Variants in EXD3 observed in about 807,000 individuals in gnomAD.
EXD3 encodes the protein exonuclease mut-7 homolog.
A neutral mutation model predicts 98.0 loss-of-function variants in EXD3; 92 were observed. The observed-to-expected ratio is 0.94, with a 90% CI of 0.79 to 1.12. The LOEUF is 1.12. EXD3 is among the 50% of genes most tolerant of loss of function. EXD3 has a pLI of 0.00. For synonymous variants in EXD3, 569 were observed against 526.0 expected (o/e 1.08, Z -1.12); for missense variants, 1,222 against 1,191.6 (o/e 1.03, Z -0.38).
chr9:137,339,002 A>G (rs1401731461), intron 17 of EXD3, among the ~76,000 whole-genome samples: 1 of 152,128 alleles, frequency 6.6e-6, no homozygotes, highest in African/African-American at 2.4e-5. Context: ...CTGCAGACAC[A>G]GCAGAGCCTT....
At chr9:137,419,972 A>G (rs1437615821) in intron 1 of EXD3, among the ~76,000 whole-genome samples, 1 of 152,102 alleles carries the variant, frequency 6.6e-6, no homozygotes, top group Non-Finnish European at 1.5e-5. Flanking sequence ...ATCCTGGCTA[A>G]TACGGTGAAA....
At chr9:137,315,402 ACGCGTGTGGGCCT>A (rs1173615602) in intron 19 of EXD3, among the ~76,000 whole-genome samples, 6 of 152,152 alleles carry the variant, frequency 3.9e-5, no homozygotes, top group African/African-American at 1.4e-4. Context: ...CGGAGAGACC[ACGCGTGTGGGCCT>A]GACCCGCTGG....
At chr9:137,383,584 C>G (rs936256442) in intron 2 of EXD3, among the ~76,000 whole-genome samples, 3 of 152,214 alleles carry the variant, frequency 2.0e-5, no homozygotes, top group African/African-American at 7.2e-5. Context: ...CCCTGTGGCC[C>G]GTGGCCGCCC....
At chr9:137,319,006 TAGC>T (rs1056075339) in intron 19 of EXD3, among the ~76,000 whole-genome samples, 29 of 152,246 alleles carry the variant, frequency 1.9e-4, no homozygotes, top group African/African-American at 5.8e-4. Flanking sequence ...GGCACCAAAA[TAGC>T]AGAAGGAAGA....
intron 1 of EXD3, among the ~76,000 whole-genome samples, chr9:137,422,330 C>CTT (rs1838568466): frequency 1.3e-5 from 2 of 152,132 alleles, no homozygotes; most frequent in African/African-American, 4.8e-5. Flanking sequence ...CCCTTTTAAA[C>CTT]TGTGGGCCCA....
Position 137,349,310 on chromosome 9 carries a change from C to A in EXD3, c.1658-28G>T, listed in dbSNP as rs765443977. On this transcript the variant is annotated intron_variant, in intron 15 of 21. Coordinates refer to ENST00000340951, the MANE Select transcript of EXD3 (RefSeq NM_017820.5). The surrounding 1 kb of genome is among the most constrained non-coding windows in gnomAD (Gnocchi z 7.4). ...GTGTGGGGAGTCGGCCTCAGCCTCCCGGGACAGAGGGCGGGAGGGGCGTGA... is the reference window on the plus strand; with the variant it reads ...GTGTGGGGAGTCGGCCTCAGCCTCCAGGGACAGAGGGCGGGAGGGGCGTGA... The A allele has an allele frequency of 2.3e-5, 36 of 1,552,472 alleles. No homozygotes were observed. The highest frequency in any genetic ancestry group is 3.0e-5 in the Non-Finnish European group (35 of 1,154,614).
chr9:137,373,021 C>A lies in EXD3; in HGVS notation c.346G>T (p.Glu116Ter). 1 of 1,604,686 alleles carries A rather than the reference C, an allele frequency of 6.2e-7. No homozygotes were observed. The highest frequency in any genetic ancestry group is 1.1e-5 in the South Asian group (1 of 90,760). Residue 116 changes from glutamate (E) to a stop codon, truncating the protein, a stop_gained, in exon 5 of 22, where the codon GAG (glutamate) becomes TAG (stop). Coordinates refer to ENST00000340951, the MANE Select transcript of EXD3 (RefSeq NM_017820.5). LOFTEE classifies it high-confidence loss of function. ...LQARAVKVLT[E>*]SPPSLAAPLA... is the part of the protein sequence containing the mutation. ...GGTGCCGCAAGGCTGGGGGGGCTCT[C>A]AGTGAGGACTTTGACCGCTCGGGCC...
intron 1 of EXD3, among the ~76,000 whole-genome samples, chr9:137,406,664 C>T (rs1291274665): frequency 6.6e-6 from 1 of 152,184 alleles, no homozygotes; most frequent in Admixed American, 6.5e-5. Context: ...ATAAAGGCAG[C>T]AGGTCCCCCA....
Position 137,405,350 on chromosome 9 carries a change from C to T in EXD3, c.-47-9946G>A, listed in dbSNP as rs973031285. Among the ~76,000 whole-genome samples the T allele has an allele frequency of 3.9e-5, 6 of 152,212 alleles. No homozygotes were observed. Among genetic ancestry groups the T allele is most frequent in the Admixed American group, 6.5e-5 (1 of 15,292 alleles). On this transcript the variant is annotated intron_variant, in intron 1 of 21. Transcript: ENST00000340951. This position sits in a 1 kb window ranked among gnomAD's most constrained non-coding sequence, Gnocchi z 4.1. ...CTTCCCCAACTGCTCCCTGGGGACC[C>T]CTGGACCACAGGACCAACGGGGGCA...
At chr9:137,354,284 C>T (rs1564505817) in intron 10 of EXD3, 55 bp downstream of exon 10, 5 of 1,601,512 alleles carry the variant, frequency 3.1e-6, no homozygotes, top group Admixed American at 1.7e-5. Flanking sequence ...GCCTGTGCCC[C>T]TAGGACAGCC....
At position 137,380,315 on chromosome 9, in the gene EXD3, C is replaced by G. The variant is rs1252044119; in HGVS notation, c.120+2998G>C. The stretch of plus-strand genomic sequence containing the variant: ...CCCCAATGCCCCTCTGGGCGTCCCC[C>G]CCAATCCCCCTGCCAGTATCCCCCC... On this transcript the variant is annotated intron_variant, in intron 3 of 21. Coordinates refer to ENST00000340951, the MANE Select transcript of EXD3 (RefSeq NM_017820.5). 2.2e-5 allele frequency among the ~76,000 whole-genome samples: 3 copies of G among 137,842 alleles called. No homozygotes were observed. The East Asian group carries it at 6.9e-4, about 32-fold the overall frequency. 90.4% of individuals were successfully genotyped at this position (137,842 alleles called of 152,430 possible).
chr9:137,306,942 G>A lies in EXD3; in HGVS notation c.*8C>T. ...CGGGCACTTTCCATGTTTATTGTCT[G>A]GCTGTCCTCAGAAGGGACTGCTGGC... On this transcript the variant is annotated 3_prime_UTR_variant, in exon 22 of 22. Transcript: ENST00000340951. The A allele has an allele frequency of 6.4e-7, 1 of 1,553,846 alleles. No individual in the cohort carries two copies. The highest frequency in any genetic ancestry group is 8.7e-7 in the Non-Finnish European group (1 of 1,148,294).
intron 17 of EXD3, among the ~76,000 whole-genome samples, chr9:137,340,816 C>T (rs1389026233): frequency 2.6e-5 from 4 of 152,142 alleles, no homozygotes; most frequent in South Asian, 4.1e-4. Context: ...CTGCACCTGG[C>T]CTCAATGTCT....
chr9:137,346,521 C>T (rs1297233091), intron 17 of EXD3, among the ~76,000 whole-genome samples: 1 of 152,292 alleles, frequency 6.6e-6, no homozygotes, highest in Admixed American at 6.5e-5. Context: ...GTTTCAGCTG[C>T]ATTGACCAGC....
intron 17 of EXD3, among the ~76,000 whole-genome samples, chr9:137,330,494 C>T (rs1459521236): frequency 2.0e-4 from 27 of 138,406 alleles, no homozygotes; most frequent in East Asian, 6.8e-4. Context: ...AGGAGCTACA[C>T]AGGAGCTACA....
rs182115591 is a variant in EXD3, at chr9:137,420,178, C to A, written c.-48+2936G>T. ...CCGCCTAAAAAAAAAACAAAAAAAA[C>A]CCCAGCAAATTACATAGAACTGAAC... On this transcript the variant is annotated intron_variant, in intron 1 of 21. Transcript: ENST00000340951. 7.0e-3 allele frequency among the ~76,000 whole-genome samples: 1,066 copies of A among 151,616 alleles called. 10 individuals carry two copies. Among genetic ancestry groups the A allele is most frequent in the Non-Finnish European group, 0.011 (754 of 67,872 alleles).
chr9:137,383,246 A>C, intron 3 of EXD3, 67 bp downstream of exon 3: 2 of 1,344,368 alleles, frequency 1.5e-6, no homozygotes, highest in Non-Finnish European at 2.1e-6. Flanking sequence ...CTGTTAGGCC[A>C]GTCTCTGCCC....
chr9:137,354,685 C>T lies in EXD3; in HGVS notation c.831+15G>A. ...CGCGGCTGGCTGCCCCCAGGACCCCCTCCTGCTCACGAACCTCCACAAACC... is the reference window on the plus strand; with the variant it reads ...CGCGGCTGGCTGCCCCCAGGACCCCTTCCTGCTCACGAACCTCCACAAACC... On this transcript the variant is annotated intron_variant, in intron 9 of 21. Transcript: ENST00000340951. The T allele has an allele frequency of 6.2e-7, 1 of 1,610,274 alleles. No individual in the cohort carries two copies. Among genetic ancestry groups the T allele is most frequent in the Non-Finnish European group, 8.5e-7 (1 of 1,179,670 alleles).
In EXD3 at chr9:137,310,993, G is replaced by A. The variant is rs370212185; in HGVS notation, c.2185-1293C>T. Among the ~76,000 whole-genome samples, 68 of 152,344 alleles carry A rather than the reference G, an allele frequency of 4.5e-4. 1 individual carries two copies. In the East Asian group the frequency reaches 6.7e-3, roughly 15 times the overall value. ...TGGCCTCGAGGCCCCTGGAGCCTCC[G>A]GGTGTGGCCATGTTGGGGGCACCGG... On this transcript the variant is annotated intron_variant, in intron 19 of 21. Transcript: ENST00000340951.
Sources: gnomAD v4.1 joint callset for allele counts (sites outside exome capture counted in the v4.1 genomes callset) on GRCh38, gnomAD v4.1.1 for gene constraint, Gnocchi (gnomAD v3.1) non-coding constraint, MANE v1.5 for transcripts, NCBI Gene and HGNC (gene_info 2026-07-23, HGNC 2026-07-21) for gene names.